The following NRG2 variants were observed in gnomAD, a reference collection of about 807,000 sequenced individuals.
NRG2 encodes the protein pro-neuregulin-2, membrane-bound isoform.
Under a neutral mutation model 73.9 loss-of-function variants are expected in NRG2, and 27 were observed. That is an observed-to-expected ratio of 0.37 (90% CI 0.27 to 0.50). The LOEUF is 0.50. NRG2 is among the 20% of genes least tolerant of loss of function. The pLI is 0.96. For synonymous variants in NRG2, 532 were observed against 541.0 expected (o/e 0.98, Z 0.23); for missense variants, 1,126 against 1,210.1 (o/e 0.93, Z 1.03).
chr5:139,963,088 T>C (rs544451237), intron 1 of NRG2, among the ~76,000 whole-genome samples: 1 of 152,184 alleles, frequency 6.6e-6, no homozygotes, highest in Non-Finnish European at 1.5e-5. Context: ...ATGGAACATA[T>C]ACTAGTGAAT....
intron 3 of NRG2, among the ~76,000 whole-genome samples, chr5:139,878,836 C>T (rs1763350850): frequency 6.6e-6 from 1 of 152,190 alleles, no homozygotes; most frequent in Non-Finnish European, 1.5e-5. Flanking sequence ...GACACCCTCC[C>T]TGCTGTCATG....
Position 139,871,757 on chromosome 5 carries a change from C to T in NRG2, c.1076G>A (p.Cys359Tyr), listed in dbSNP as rs267600371. The change falls in exon 4 of 10, where the codon TGC (cysteine) becomes TAC (tyrosine). Residue 359 changes from cysteine to tyrosine, a missense_variant. Around this residue, in one of 3 missense-constraint regions of NRG2, gnomAD observed 539 missense variants for 703.2 expected, o/e 0.77. Transcript: ENST00000361474. ...AKSYCVNGGV[C>Y]YYIEGINQLS... ...CTGGTTGATGCCCTCGATGTAGTAG[C>T]AGACGCCTCCATTGACGCAATAGGA... 1 of 1,614,150 alleles carries T rather than the reference C, an allele frequency of 6.2e-7. No individual in the cohort carries two copies. The highest frequency in any genetic ancestry group is 8.5e-7 in the Non-Finnish European group (1 of 1,180,012).
chr5:139,883,644 C>A (rs543888434), intron 2 of NRG2, among the ~76,000 whole-genome samples: 1 of 152,286 alleles, frequency 6.6e-6, no homozygotes, highest in African/African-American at 2.4e-5. Context: ...AGACTCCTGC[C>A]ACTGCCCCTG....
At chr5:139,929,174 C>T (rs1242670191) in intron 1 of NRG2, among the ~76,000 whole-genome samples, 1 of 152,208 alleles carries the variant, frequency 6.6e-6, no homozygotes, top group African/African-American at 2.4e-5. Context: ...GTCTTGTGTC[C>T]TTTGTCATTG....
At position 139,851,888 on chromosome 5, in the gene NRG2, A is replaced by C. The variant is rs1197593793; in HGVS notation, c.1545-57T>G. ...TCAGGAAGGGGCAGGGCGGCCCAGCAGGTGTGGTCCCATGGACCTCCCTGG... is the reference window on the plus strand; with the variant it reads ...TCAGGAAGGGGCAGGGCGGCCCAGCCGGTGTGGTCCCATGGACCTCCCTGG... On this transcript the variant is annotated intron_variant, in intron 8 of 9. Transcript: ENST00000361474. The surrounding 1 kb of genome is among the most constrained non-coding windows in gnomAD (Gnocchi z 4.2). 6.6e-7 allele frequency: 1 copy of C among 1,513,178 alleles called. No homozygotes were observed. Among genetic ancestry groups the C allele is most frequent in the Non-Finnish European group, 9.1e-7 (1 of 1,100,156 alleles). The allele number at this position is 1,513,178 out of a possible 1,614,324, so 93.7% of individuals were successfully genotyped here. A position where few individuals can be genotyped will look rare whatever the true frequency, so the allele number is the denominator to read the frequency against.
At position 139,848,189 on chromosome 5, in the gene NRG2, C is replaced by G; in HGVS notation, c.2281G>C (p.Asp761His). 7.4e-7 allele frequency: 1 copy of G among 1,351,410 alleles called. No individual in the cohort carries two copies. Among genetic ancestry groups the G allele is most frequent in the South Asian group, 1.8e-5 (1 of 56,842 alleles). The allele number at this position is 1,351,410 out of a possible 1,614,324, so 83.7% of individuals were successfully genotyped here. ...LAAQRARAAR[D>H]SLSLSSGSGG... is the part of the protein sequence containing the mutation. ...GAGCCGCTGCTCAGCGACAGCGAGT[C>G]CCTCGCCGCCCGTGCGCGCTGCGCC... is the stretch of plus-strand genomic sequence containing the variant. The change falls in exon 10 of 10, where the codon GAC becomes CAC. Residue 761 changes from aspartate to histidine, a missense_variant. Around this residue, in one of 3 missense-constraint regions of NRG2, gnomAD observed 402 missense variants for 357.8 expected, o/e 1.12. Coordinates refer to ENST00000361474, the MANE Select transcript of NRG2 (RefSeq NM_004883.3).
chr5:139,962,424 C>G (rs1441442929), intron 1 of NRG2, among the ~76,000 whole-genome samples: 1 of 152,176 alleles, frequency 6.6e-6, no homozygotes, highest in Non-Finnish European at 1.5e-5. Flanking sequence ...CTGAGGAGAA[C>G]ATTCTAGGCA....
At chr5:140,034,655 G>A (rs1168930204) in intron 1 of NRG2, among the ~76,000 whole-genome samples, 1 of 151,810 alleles carries the variant, frequency 6.6e-6, no homozygotes, top group East Asian at 1.9e-4. Flanking sequence ...AACATACAAA[G>A]TCAATATATG....
chr5:139,966,763 G>C (rs769537635), intron 1 of NRG2, among the ~76,000 whole-genome samples: 3 of 152,134 alleles, frequency 2.0e-5, no homozygotes, highest in African/African-American at 4.8e-5. Flanking sequence ...CTGGGAAACT[G>C]TGTGGTGAGC....
intron 1 of NRG2, among the ~76,000 whole-genome samples, chr5:139,910,959 G>A (rs987481009): frequency 3.3e-5 from 5 of 152,086 alleles, no homozygotes; most frequent in Non-Finnish European, 7.4e-5. Context: ...AACTGGGAGG[G>A]ACCAGAAGAG....
intron 1 of NRG2, among the ~76,000 whole-genome samples, chr5:140,037,135 C>G (rs982352532): frequency 6.6e-6 from 1 of 152,218 alleles, no homozygotes; most frequent in Non-Finnish European, 1.5e-5. Context: ...ACTGCGGTCT[C>G]TGTCTTCTGA....
intron 1 of NRG2, among the ~76,000 whole-genome samples, chr5:139,993,310 A>G (rs935573172): frequency 6.6e-6 from 1 of 152,188 alleles, no homozygotes; most frequent in Non-Finnish European, 1.5e-5. Flanking sequence ...TCTCATCTAC[A>G]TCTACCTCTC....
At chr5:139,999,046 A>G (rs925166170) in intron 1 of NRG2, among the ~76,000 whole-genome samples, 2 of 152,054 alleles carry the variant, frequency 1.3e-5, no homozygotes, top group Non-Finnish European at 2.9e-5. Flanking sequence ...TAGGGACTTC[A>G]CTGTCCTAAG....
chr5:139,988,754 C>G (rs2126585030), intron 1 of NRG2, among the ~76,000 whole-genome samples: 1 of 151,942 alleles, frequency 6.6e-6, no homozygotes, highest in Non-Finnish European at 1.5e-5. Flanking sequence ...TGTACACCAC[C>G]AAGAGTGAAC....
At chr5:139,938,905 A>AAAGAAAAG (rs1287359463) in intron 1 of NRG2, among the ~76,000 whole-genome samples, 3 of 75,562 alleles carry the variant, frequency 4.0e-5, no homozygotes, top group Middle Eastern at 0.01. Flanking sequence ...AGAAAGAAAG[A>AAAGAAAAG]AAAGAAAGAA....
intron 1 of NRG2, 48 bp downstream of exon 1, chr5:140,042,322 C>A: frequency 7.1e-7 from 1 of 1,416,384 alleles, no homozygotes; most frequent in Non-Finnish European, 9.4e-7. Flanking sequence ...CATTCTCCAC[C>A]ACCTCGCCCC....
intron 1 of NRG2, among the ~76,000 whole-genome samples, chr5:139,924,861 T>C (rs1483275369): frequency 6.6e-6 from 1 of 152,200 alleles, no homozygotes; most frequent in Admixed American, 6.5e-5. Flanking sequence ...ACTTGGAGCC[T>C]GGATCTGAGG....
rs763721349 is a variant in NRG2, at chr5:140,041,021, C to T, written c.700+1349G>A. On this transcript the variant is annotated intron_variant, in intron 1 of 9. Transcript: ENST00000361474. ...TAGATATACTCCCATCACTAAACTCCTAAAATTTGCCTCCTGAAGGGGGTG... is the reference window on the plus strand; with the variant it reads ...TAGATATACTCCCATCACTAAACTCTTAAAATTTGCCTCCTGAAGGGGGTG... 3.9e-5 allele frequency among the ~76,000 whole-genome samples: 6 copies of T among 152,128 alleles called. No homozygotes were observed. The South Asian group carries it at 1.0e-3, about 26-fold the overall frequency.
At chr5:140,040,151 T>A (rs965466426) in intron 1 of NRG2, among the ~76,000 whole-genome samples, 4 of 152,172 alleles carry the variant, frequency 2.6e-5, no homozygotes, top group African/African-American at 9.7e-5. Context: ...TCTAATCCCC[T>A]TATATAAGGC....
Sources: allele counts gnomAD v4.1 joint callset (sites outside exome capture counted in the v4.1 genomes callset), GRCh38; gene constraint gnomAD v4.1.1; regional missense constraint gnomAD v4.1.1; non-coding constraint Gnocchi (gnomAD v3.1); transcripts MANE v1.5; gene names NCBI Gene and HGNC (gene_info 2026-07-23, HGNC 2026-07-21).